Variants in LRRC4C observed in about 807,000 individuals in gnomAD.
LRRC4C encodes leucine-rich repeat-containing protein 4C.
LRRC4C carries 5 observed loss-of-function variants against 33.6 expected under a neutral mutation model. That is an observed-to-expected ratio of 0.15 (90% CI 0.08 to 0.31). LRRC4C has a LOEUF of 0.31. Ranked by LOEUF, LRRC4C falls within the 10% of genes least tolerant of loss-of-function variation. The pLI, the probability that LRRC4C is intolerant of heterozygous loss-of-function variation, is 1.00. For synonymous variants in LRRC4C, 329 were observed against 302.0 expected, an observed-to-expected ratio of 1.09 and a Z score of -0.93; for missense variants, 560 against 796.7, an observed-to-expected ratio of 0.70 and a Z score of 3.58.
chr11:40,210,169 G>A (rs909005142), intron 5 of LRRC4C, among the ~76,000 whole-genome samples: 1 of 151,984 alleles, frequency 6.6e-6, no homozygotes, highest in African/African-American at 2.4e-5. Flanking sequence ...TCTCAAGGCT[G>A]AGGCAGGAGA....
At position 40,258,630 on chromosome 11, in the gene LRRC4C, C is replaced by T. The variant is rs182723588; in HGVS notation, c.-175-17032G>A. ...ATGGAAAATAGCAAAAATCCCAGCA[C>T]CTTTTCCATTCTACTCTGAGTTGTT... On this transcript the variant is annotated intron_variant, in intron 4 of 6. Coordinates refer to ENST00000528697, the MANE Select transcript of LRRC4C (RefSeq NM_001258419.2). 2.4e-4 allele frequency among the ~76,000 whole-genome samples: 36 copies of T among 152,252 alleles called. No homozygotes were observed. The East Asian group carries it at 5.2e-3, about 22-fold the overall frequency.
intron 1 of LRRC4C, among the ~76,000 whole-genome samples, chr11:41,132,165 C>T (rs1943042816): frequency 6.6e-6 from 1 of 152,080 alleles, no homozygotes; most frequent in Admixed American, 6.6e-5. Flanking sequence ...TTTCCAGTAA[C>T]AATATCTTTC....
intron 3 of LRRC4C, among the ~76,000 whole-genome samples, chr11:40,512,334 A>G (rs1955360535): frequency 1.3e-5 from 2 of 152,168 alleles, no homozygotes; most frequent in South Asian, 2.1e-4. Context: ...AGATCATACC[A>G]TTGCACTCCA....
chr11:40,373,659 C>T (rs1385078711), intron 3 of LRRC4C, among the ~76,000 whole-genome samples: 3 of 152,152 alleles, frequency 2.0e-5, no homozygotes, highest in East Asian at 1.9e-4. Context: ...ATCATGGTGG[C>T]GGCTCACTCA....
chr11:40,863,424 C>T (rs1954200677), intron 2 of LRRC4C, among the ~76,000 whole-genome samples: 1 of 152,140 alleles, frequency 6.6e-6, no homozygotes, highest in South Asian at 2.1e-4. Flanking sequence ...CAACCACTTC[C>T]CCTTCTCTTT....
intron 1 of LRRC4C, among the ~76,000 whole-genome samples, chr11:40,961,480 T>C (rs1304700723): frequency 6.6e-6 from 1 of 151,736 alleles, no homozygotes; most frequent in Admixed American, 6.6e-5. Context: ...TATGTTTTCC[T>C]ACCTGTGTCT....
At chr11:40,188,501 A>C (rs1315491818) in intron 5 of LRRC4C, among the ~76,000 whole-genome samples, 4 of 152,224 alleles carry the variant, frequency 2.6e-5, no homozygotes, top group Non-Finnish European at 5.9e-5. Context: ...TACTGTATTG[A>C]GTTTGCATCA....
At chr11:40,272,329 T>C (rs1200768003) in intron 4 of LRRC4C, among the ~76,000 whole-genome samples, 1 of 152,114 alleles carries the variant, frequency 6.6e-6, no homozygotes, top group South Asian at 2.1e-4. Context: ...AAAATGAATA[T>C]CTGAAAACAT....
At chr11:40,298,792 T>A (rs1299523100) in intron 4 of LRRC4C, among the ~76,000 whole-genome samples, 1 of 152,080 alleles carries the variant, frequency 6.6e-6, no homozygotes, top group Non-Finnish European at 1.5e-5. Flanking sequence ...AAGAAGCATG[T>A]CTTACATGGT....
chr11:40,320,493 G>C (rs1337087478), intron 3 of LRRC4C, among the ~76,000 whole-genome samples: 1 of 152,036 alleles, frequency 6.6e-6, no homozygotes, highest in Non-Finnish European at 1.5e-5. Context: ...GCGACAGAGT[G>C]AGACTCTGTC....
At chr11:40,516,535 A>G (rs915532478) in intron 3 of LRRC4C, among the ~76,000 whole-genome samples, 2 of 152,084 alleles carry the variant, frequency 1.3e-5, no homozygotes, top group Non-Finnish European at 2.9e-5. Flanking sequence ...TGTCTCTCTT[A>G]AGTTCTAAAG....
chr11:40,136,610 A>G (rs1354941798), intron 6 of LRRC4C, among the ~76,000 whole-genome samples: 5 of 152,052 alleles, frequency 3.3e-5, no homozygotes, highest in South Asian at 2.1e-4. Flanking sequence ...ACTCGCTTCA[A>G]TCCCAAGGCT....
intron 2 of LRRC4C, among the ~76,000 whole-genome samples, chr11:40,757,807 T>A (rs1229485284): frequency 2.0e-5 from 3 of 151,950 alleles, no homozygotes; most frequent in Non-Finnish European, 4.4e-5. Flanking sequence ...TCCCAAAGGG[T>A]AATAGCACAC....
chr11:41,328,538 T>C (rs1262414632), intron 1 of LRRC4C, among the ~76,000 whole-genome samples: 1 of 152,144 alleles, frequency 6.6e-6, no homozygotes, highest in Non-Finnish European at 1.5e-5. Context: ...ACACGCTCCT[T>C]ACTGAGTTGC....
intron 2 of LRRC4C, among the ~76,000 whole-genome samples, chr11:40,688,705 C>A (rs996541826): frequency 2.0e-5 from 3 of 152,068 alleles, no homozygotes; most frequent in African/African-American, 7.2e-5. Context: ...CAAGAAATGA[C>A]ACGAAAGATG....
intron 2 of LRRC4C, among the ~76,000 whole-genome samples, chr11:40,876,961 C>T (rs983979641): frequency 1.3e-5 from 2 of 151,206 alleles, no homozygotes; most frequent in Non-Finnish European, 2.9e-5. Flanking sequence ...AAACTCTGGC[C>T]AGTGATCTAC....
chr11:40,129,093 A>C (rs1276146226), intron 6 of LRRC4C, among the ~76,000 whole-genome samples: 1 of 152,122 alleles, frequency 6.6e-6, no homozygotes, highest in Non-Finnish European at 1.5e-5. Context: ...TGTTAAATGC[A>C]TGAATGAATG....
intron 4 of LRRC4C, among the ~76,000 whole-genome samples, chr11:40,255,678 C>T (rs767328313): frequency 2.0e-5 from 3 of 152,172 alleles, no homozygotes; most frequent in Non-Finnish European, 2.9e-5. Context: ...CCTCCTCATT[C>T]ACACAATGGG....
Position 41,453,485 on chromosome 11 carries a change from A to C in LRRC4C, c.-496+5946T>G, listed in dbSNP as rs1445071120. ...TGCATTTACAGAAGGCTTGCTCTGG[A>C]CTGTCTATAATTATGTGAAGAAGCA... On this transcript the variant is annotated intron_variant, in intron 1 of 6. Coordinates refer to ENST00000528697, the MANE Select transcript of LRRC4C (RefSeq NM_001258419.2). Among the ~76,000 whole-genome samples, 4 of 152,148 alleles carry C rather than the reference A, an allele frequency of 2.6e-5. No homozygotes were observed. In the East Asian group the frequency reaches 7.7e-4, roughly 29 times the overall value.
Sources: allele counts gnomAD v4.1 joint callset (sites outside exome capture counted in the v4.1 genomes callset), GRCh38; gene constraint gnomAD v4.1.1; transcripts MANE v1.5; gene names NCBI Gene and HGNC (gene_info 2026-07-23, HGNC 2026-07-21).